Variants in WWOX observed in about 807,000 individuals in gnomAD.
WWOX encodes the protein WW domain-containing oxidoreductase.
Under a neutral mutation model 46.2 loss-of-function variants are expected in WWOX, and 69 were observed. The observed-to-expected ratio is 1.49, with a 90% CI of 1.23 to 1.82. The LOEUF (loss-of-function observed/expected upper bound fraction) is 1.82, where lower values mean the gene tolerates loss of function less well. WWOX is among the 40% of genes most tolerant of loss of function. The pLI is 0.00. For missense variants in WWOX, 919 were observed against 542.6 expected, an observed-to-expected ratio of 1.69 and a Z score of -6.89; for synonymous variants, 359 against 202.6, an observed-to-expected ratio of 1.77 and a Z score of -6.56.
At chr16:78,952,955 G>C (rs886100649) in intron 8 of WWOX, among the ~76,000 whole-genome samples, 4 of 152,040 alleles carry the variant, frequency 2.6e-5, no homozygotes, top group South Asian at 2.1e-4. Context: ...GCCAGCAAAG[G>C]CTTCAGCAAA....
chr16:78,794,399 A>G (rs1251940474), intron 8 of WWOX, among the ~76,000 whole-genome samples: 1 of 152,176 alleles, frequency 6.6e-6, no homozygotes, highest in Non-Finnish European at 1.5e-5. Flanking sequence ...TAAACAAAAA[A>G]CAAAATAAAT....
intron 6 of WWOX, among the ~76,000 whole-genome samples, chr16:78,392,975 G>A (rs758683028): frequency 2.6e-5 from 4 of 152,134 alleles, no homozygotes; most frequent in African/African-American, 9.7e-5. Context: ...GGTAGCAGCG[G>A]TCGTCGGCCA....
At chr16:78,420,730 T>C (rs2082907528) in intron 6 of WWOX, among the ~76,000 whole-genome samples, 1 of 151,726 alleles carries the variant, frequency 6.6e-6, no homozygotes, top group South Asian at 2.1e-4. Context: ...TTGAGTATAC[T>C]AAAACAGCTG....
In WWOX at chr16:78,368,295, G is replaced by C. The variant is rs182276819; in HGVS notation, c.517-18565G>C. 9.6e-4 allele frequency among the ~76,000 whole-genome samples: 146 copies of C among 152,290 alleles called. 1 individual carries two copies. Among genetic ancestry groups the C allele is most frequent in the African/African-American group, 3.4e-3 (141 of 41,564 alleles). ...GGAGAAAGTTGTAGGTCCTATATGA[G>C]TGATGACAGGTGATACTTAAGTTAA... is the stretch of plus-strand genomic sequence containing the variant. On this transcript the variant is annotated intron_variant, in intron 5 of 8. Transcript: ENST00000566780.
intron 8 of WWOX, among the ~76,000 whole-genome samples, chr16:78,858,118 T>C (rs970682185): frequency 6.7e-6 from 1 of 149,100 alleles, no homozygotes; most frequent in African/African-American, 2.5e-5. Flanking sequence ...ATTAAAAAGA[T>C]ACCTCTATAT....
chr16:78,887,365 G>A (rs1016685734), intron 8 of WWOX, among the ~76,000 whole-genome samples: 10 of 151,308 alleles, frequency 6.6e-5, no homozygotes, highest in Non-Finnish European at 1.3e-4. Flanking sequence ...AACTCCCCAC[G>A]TTTTGGAATT....
At chr16:78,359,107 A>G (rs11643294) in intron 5 of WWOX, among the ~76,000 whole-genome samples, 111,912 of 151,526 alleles carry the variant, frequency 0.74, 42,753 homozygotes, top group African/African-American at 0.84. Context: ...GCTTCTTCCC[A>G]TATATACTCT....
intron 8 of WWOX, among the ~76,000 whole-genome samples, chr16:78,993,026 T>G (rs866770114): frequency 1.3e-5 from 2 of 152,214 alleles, no homozygotes; most frequent in African/African-American, 4.8e-5. Context: ...TGCTGCATTT[T>G]AGGCTTTTTT....
rs114052994 is a variant in WWOX, at chr16:78,793,753, G to A, written c.1056+361001G>A. Among the ~76,000 whole-genome samples the A allele has an allele frequency of 7.4e-3, 1,127 of 152,156 alleles. 20 individuals are homozygous for A. The highest frequency in any genetic ancestry group is 0.026 in the African/African-American group (1,064 of 41,522). On this transcript the variant is annotated intron_variant, in intron 8 of 8. Coordinates refer to ENST00000566780, the MANE Select transcript of WWOX (RefSeq NM_016373.4). ...CAGTGGGATAAACATTGCCTAGAAG[G>A]GTTTGAAGAGGAATCCAGGTTAGAA...
intron 8 of WWOX, among the ~76,000 whole-genome samples, chr16:78,479,397 A>G (rs184244564): frequency 5.8e-4 from 89 of 152,368 alleles, no homozygotes; most frequent in Admixed American, 1.5e-3. Flanking sequence ...GGTTTAGAGA[A>G]TGCTTTCATT....
At chr16:78,144,448 C>CATATATATATATAT (rs1447794716) in intron 4 of WWOX, among the ~76,000 whole-genome samples, 1 of 17,592 alleles carries the variant, frequency 5.7e-5, no homozygotes, top group Non-Finnish European at 1.2e-4. Context: ...TATATATATA[C>CATATATATATATAT]ACATATATAT....
intron 1 of WWOX, among the ~76,000 whole-genome samples, chr16:78,105,755 C>A (rs1241745283): frequency 6.6e-6 from 1 of 152,140 alleles, no homozygotes; most frequent in East Asian, 1.9e-4. Context: ...TGCCAGCCTG[C>A]CTGCCAACAA....
chr16:78,797,505 C>G (rs146928165), intron 8 of WWOX, among the ~76,000 whole-genome samples: 54 of 152,112 alleles, frequency 3.6e-4, no homozygotes, highest in South Asian at 4.1e-4. Flanking sequence ...AGCCTGGAGT[C>G]AAGACAAGAG....
intron 8 of WWOX, among the ~76,000 whole-genome samples, chr16:78,536,644 G>C (rs2738502): frequency 0.55 from 83,936 of 151,892 alleles, 25,608 homozygotes; most frequent in Admixed American, 0.68. Flanking sequence ...CCCATGCAAA[G>C]AAAGCTGAGC....
intron 4 of WWOX, among the ~76,000 whole-genome samples, chr16:78,122,588 A>T (rs148903112): frequency 6.6e-6 from 1 of 151,690 alleles, no homozygotes; most frequent in African/African-American, 2.4e-5. Context: ...GTAATGGAAG[A>T]TGTTATTTTA....
At chr16:78,910,925 C>G (rs568298108) in intron 8 of WWOX, among the ~76,000 whole-genome samples, 3 of 152,090 alleles carry the variant, frequency 2.0e-5, no homozygotes, top group East Asian at 3.9e-4. Flanking sequence ...TGTTGATCAG[C>G]TCAATTTAGC....
rs566611836 is a variant in WWOX, at chr16:78,114,695, C to G, written c.231-281C>G. Among the ~76,000 whole-genome samples the G allele has an allele frequency of 5.3e-5, 8 of 152,132 alleles. No individual in the cohort carries two copies. In the South Asian group the frequency reaches 1.2e-3, roughly 24 times the overall value. The stretch of plus-strand genomic sequence containing the variant: ...AAAAGCCCAAAACCTTCTCAAGAAG[C>G]CTTTTTTGAGATCTAAGGATACATG... On this transcript the variant is annotated intron_variant, in intron 3 of 8. Coordinates refer to ENST00000566780, the MANE Select transcript of WWOX (RefSeq NM_016373.4).
At chr16:78,893,740 A>G (rs925985557) in intron 8 of WWOX, among the ~76,000 whole-genome samples, 1 of 152,028 alleles carries the variant, frequency 6.6e-6, no homozygotes, top group Non-Finnish European at 1.5e-5. Context: ...GTTCCAGAAA[A>G]TGTCTGTCAT....
At chr16:78,107,482 G>T (rs1383087438) in intron 1 of WWOX, among the ~76,000 whole-genome samples, 2 of 152,186 alleles carry the variant, frequency 1.3e-5, no homozygotes, top group Non-Finnish European at 2.9e-5. Flanking sequence ...AGTAGCCCCT[G>T]AGACCAGTGC....
Sources: gnomAD v4.1 joint callset for allele counts (sites outside exome capture counted in the v4.1 genomes callset) on GRCh38, gnomAD v4.1.1 for gene constraint, MANE v1.5 for transcripts, NCBI Gene and HGNC (gene_info 2026-07-23, HGNC 2026-07-21) for gene names.